Variants in PRELID2 observed in about 807,000 individuals in gnomAD.
PRELID2 encodes PRELI domain containing 2.
PRELID2 carries 25 observed loss-of-function variants against 28.4 expected under a neutral mutation model. The ratio of observed to expected loss-of-function variants is 0.88; its 90% CI spans 0.64 to 1.23. The LOEUF (loss-of-function observed/expected upper bound fraction) is 1.23, where lower values mean the gene tolerates loss of function less well. PRELID2 is among the 50% of genes most tolerant of loss of function. PRELID2 has a pLI of 0.00. For missense variants in PRELID2, 201 were observed against 214.4 expected, an observed-to-expected ratio of 0.94 and a Z score of 0.39; for synonymous variants, 76 against 71.6, an observed-to-expected ratio of 1.06 and a Z score of -0.31.
chr5:145,369,960 GT>G, the PRELID2 span, among the ~76,000 whole-genome samples: 2,404 of 147,706 alleles, frequency 0.016, 38 homozygotes, highest in Non-Finnish European at 0.02. Context: ...GTTTTAATGG[GT>G]TTTTTTTTTG....
intron 1 of PRELID2, among the ~76,000 whole-genome samples, chr5:145,619,912 G>A (rs935818110): frequency 3.3e-5 from 5 of 151,968 alleles, no homozygotes; most frequent in Admixed American, 1.3e-4. Flanking sequence ...CCACAATGAG[G>A]TTACAACATA....
At chr5:145,237,433 A>AT in the PRELID2 span, among the ~76,000 whole-genome samples, 19 of 151,978 alleles carry the variant, frequency 1.3e-4, no homozygotes, top group Admixed American at 5.9e-4. Context: ...AATTCCTATG[A>AT]TTTTTTTAAT....
intron 2 of PRELID2, among the ~76,000 whole-genome samples, chr5:145,821,235 G>A (rs1040371689): frequency 4.7e-5 from 7 of 150,346 alleles, no homozygotes; most frequent in Non-Finnish European, 7.4e-5. Flanking sequence ...GTGTGTATGT[G>A]TGTGTAAGCC....
the PRELID2 span, among the ~76,000 whole-genome samples, chr5:145,424,253 G>C: frequency 1.6e-4 from 24 of 152,242 alleles, no homozygotes; most frequent in East Asian, 4.1e-3. Flanking sequence ...TTGAGCTGTG[G>C]TGGGCTCCAC....
chr5:145,611,710 T>A (rs779063855), intron 1 of PRELID2, among the ~76,000 whole-genome samples: 4 of 152,244 alleles, frequency 2.6e-5, no homozygotes, highest in African/African-American at 7.2e-5. Flanking sequence ...TTTCCACAAG[T>A]TGATCTATAA....
At chr5:145,823,911 T>C (rs1754996858) in intron 1 of PRELID2, among the ~76,000 whole-genome samples, 1 of 152,200 alleles carries the variant, frequency 6.6e-6, no homozygotes, top group Non-Finnish European at 1.5e-5. Context: ...TGTTATTTTT[T>C]CCACTTCATA....
downstream of PRELID2, among the ~76,000 whole-genome samples, chr5:145,469,845 G>C (rs1241540268): frequency 6.6e-6 from 1 of 151,990 alleles, no homozygotes; most frequent in Non-Finnish European, 1.5e-5. Flanking sequence ...TGACATCTTT[G>C]GTATTGAGAA....
chr5:145,431,698 G>A, the PRELID2 span, among the ~76,000 whole-genome samples: 1 of 152,136 alleles, frequency 6.6e-6, no homozygotes, highest in Admixed American at 6.5e-5. Context: ...CAAAATAACT[G>A]TAGTTTCCAA....
chr5:145,305,376 A>G, the PRELID2 span, among the ~76,000 whole-genome samples: 27 of 152,174 alleles, frequency 1.8e-4, no homozygotes, highest in African/African-American at 6.3e-4. Flanking sequence ...AGAGAGAAAG[A>G]TTGCTTGAAA....
chr5:145,264,699 C>T, the PRELID2 span, among the ~76,000 whole-genome samples: 1 of 151,924 alleles, frequency 6.6e-6, no homozygotes, highest in Non-Finnish European at 1.5e-5. Context: ...CAGAGCCAGG[C>T]ACGGTGGCTC....
chr5:145,332,841 A>T, the PRELID2 span, among the ~76,000 whole-genome samples: 1 of 152,128 alleles, frequency 6.6e-6, no homozygotes, highest in Non-Finnish European at 1.5e-5. Flanking sequence ...TTGAAGAAGA[A>T]GAGTCATTCT....
At chr5:145,834,149 A>G (rs921100594) in intron 1 of PRELID2, among the ~76,000 whole-genome samples, 47 of 152,276 alleles carry the variant, frequency 3.1e-4, no homozygotes, top group African/African-American at 1.0e-3. Flanking sequence ...AATACAAACA[A>G]CAATAACATT....
At chr5:145,340,770 CATATATATATATATAT>C in the PRELID2 span, among the ~76,000 whole-genome samples, 9 of 116,564 alleles carry the variant, frequency 7.7e-5, no homozygotes, top group Middle Eastern at 4.2e-3. Flanking sequence ...TAAAAATATA[CATATATATATATATAT>C]ATATATATAT....
chr5:145,726,331 G>GAAAA (rs143771050), intron 1 of PRELID2, among the ~76,000 whole-genome samples: 16,812 of 151,066 alleles, frequency 0.11, 2,051 homozygotes, highest in African/African-American at 0.3. Flanking sequence ...AAGAGAGAAA[G>GAAAA]AGAAAGAAAA....
chr5:145,388,864 A>G, the PRELID2 span, among the ~76,000 whole-genome samples: 1 of 152,154 alleles, frequency 6.6e-6, no homozygotes. Flanking sequence ...TTTTCCGTCA[A>G]TATCATATTT....
the PRELID2 span, chr5:145,229,135 G>A: frequency 9.6e-5 from 117 of 1,218,648 alleles, no homozygotes; most frequent in East Asian, 2.6e-4. Flanking sequence ...ACCGTCCAGC[G>A]GGTGGGGGCC....
At chr5:145,278,347 T>C in the PRELID2 span, among the ~76,000 whole-genome samples, 2 of 152,150 alleles carry the variant, frequency 1.3e-5, no homozygotes, top group Non-Finnish European at 2.9e-5. Flanking sequence ...GGGTCTCCTG[T>C]AAAGCTGCAA....
intron 1 of PRELID2, among the ~76,000 whole-genome samples, chr5:145,529,005 C>T (rs1414328510): frequency 6.6e-6 from 1 of 152,190 alleles, no homozygotes. Flanking sequence ...CAACATCTCC[C>T]TCCGTTTTCC....
the PRELID2 span, among the ~76,000 whole-genome samples, chr5:145,393,443 G>T: frequency 1.3e-5 from 2 of 152,180 alleles, no homozygotes; most frequent in African/African-American, 4.8e-5. Flanking sequence ...ATTGAGCAAA[G>T]AATGATTCAA....
Sources: allele counts gnomAD v4.1 joint callset (sites outside exome capture counted in the v4.1 genomes callset), GRCh38; gene constraint gnomAD v4.1.1; transcripts MANE v1.5; gene names NCBI Gene and HGNC (gene_info 2026-07-23, HGNC 2026-07-21).